Variants in INTS6L observed in about 807,000 individuals in gnomAD.
The protein encoded by INTS6L is integrator complex subunit 6 like.
Under a neutral mutation model 64.7 loss-of-function variants are expected in INTS6L, and 18 were observed. The observed-to-expected ratio is 0.28, with a 90% CI of 0.19 to 0.41. INTS6L has a LOEUF of 0.41. Among genes scored for constraint, INTS6L ranks in the 10% least tolerant of loss-of-function variants. The pLI is 1.00. For missense variants in INTS6L, 533 were observed against 661.0 expected (o/e 0.81, Z 2.12); for synonymous variants, 227 against 235.9 (o/e 0.96, Z 0.34).
At chrX:135,568,458 G>A (rs2087007350) in intron 9 of INTS6L, among the ~76,000 whole-genome samples, 2 of 110,428 alleles carry the variant, frequency 1.8e-5, no homozygotes, top group African/African-American at 6.6e-5. Flanking sequence ...CAAAATGTGT[G>A]ATCATGGAAA....
In INTS6L at chrX:135,573,039, T is replaced by G. The variant is rs377436889; in HGVS notation, c.1617+6T>G. The G allele has an allele frequency of 1.7e-6, 2 of 1,175,528 alleles. No homozygotes were observed. Among genetic ancestry groups the G allele is most frequent in the African/African-American group, 3.5e-5 (2 of 56,348 alleles). ...AAATTGGGCTCTTAAACAAGGTAAA[T>G]TGTGACATAAATAGTTTGTATTTGT... On this transcript the variant is annotated splice_donor_region_variant and intron_variant, in intron 12 of 17. Coordinates refer to ENST00000639893, the MANE Select transcript of INTS6L (RefSeq NM_001351601.3).
Position 135,573,976 on chromosome X carries a change from T to C in INTS6L, c.1655T>C (p.Ile552Thr). The change falls in exon 13 of 18, where the codon ATT becomes ACT. Residue 552 changes from isoleucine to threonine, a missense_variant. Physicochemically the swap from Ile to Thr is moderately conservative, Grantham distance 89. Transcript: ENST00000639893. The part of the protein sequence containing the change: ...KPQTYRNAYD[I>T]PRRGLLDQLT... The stretch of plus-strand genomic sequence containing the variant: ...CAGACATACAGAAATGCTTATGATA[T>C]TCCCCGTAGAGGTCTTTTAGACCAG... 8.3e-7 allele frequency: 1 copy of C among 1,204,073 alleles called. No homozygotes were observed. The highest frequency in any genetic ancestry group is 1.1e-6 in the Non-Finnish European group (1 of 892,607).
chrX:135,558,827 C>A (rs2086710135), intron 9 of INTS6L, among the ~76,000 whole-genome samples: 1 of 104,774 alleles, frequency 9.5e-6, no homozygotes, highest in Admixed American at 1.0e-4. Flanking sequence ...TCTCTGTCAC[C>A]CAAGCCAGAG....
chrX:135,529,110 C>A (rs1556503288), intron 2 of INTS6L, among the ~76,000 whole-genome samples: 2 of 111,941 alleles, frequency 1.8e-5, no homozygotes, highest in African/African-American at 6.5e-5. Context: ...ATGAATGTAA[C>A]TGCAGTAATT....
rs782360157 is a variant in INTS6L at position 135,556,245 on chromosome X, T to G, written c.1137T>G (p.Thr379=). The change falls in exon 9 of 18, where the codon ACT becomes ACG. Residue 379 remains threonine (T), a synonymous_variant. Transcript: ENST00000639893. ...ATTTAAAAGCCAGTACAACTTTAAC[T>G]TGTGTAAACCTCTTTGTGATGCCTT... ...FGYLKASTTL[T]CVNLFVMPYN... 8.3e-7 allele frequency: 1 copy of G among 1,204,073 alleles called. No homozygotes were observed. Among genetic ancestry groups the G allele is most frequent in the South Asian group, 1.8e-5 (1 of 55,153 alleles).
chrX:135,524,686 C>T (rs781859779), intron 2 of INTS6L, among the ~76,000 whole-genome samples: 1 of 111,243 alleles, frequency 9.0e-6, no homozygotes, highest in African/African-American at 3.3e-5. Context: ...TTACAAGATC[C>T]GACAATAAAT....
intron 8 of INTS6L, among the ~76,000 whole-genome samples, chrX:135,552,609 G>A (rs1291638772): frequency 2.6e-4 from 29 of 112,001 alleles, no homozygotes; most frequent in African/African-American, 9.1e-4. Flanking sequence ...TCGTCCTGTG[G>A]TACAAATCAC....
chrX:135,520,847 TCCGTC>T lies in INTS6L; in HGVS notation c.-130_-126del, dbSNP rs1269512796. ...AAAGAGGAGGCCAGGAGCGGTCCCA[TCCGTC>T]CCGTCCCGTCCCGTCTCCCCCTCTT... On this transcript the variant is annotated 5_prime_UTR_variant, in exon 1 of 18. Transcript: ENST00000639893. 47 of 569,241 alleles carry T rather than the reference TCCGTC, an allele frequency of 8.3e-5. No homozygotes were observed. The East Asian group carries it at 9.0e-4, about 11-fold the overall frequency. 46.9% of individuals were successfully genotyped at this position (569,241 alleles called of 1,213,427 possible). A position where few individuals can be genotyped will look rare whatever the true frequency, so the allele number is the denominator to read the frequency against.
At chrX:135,577,881 G>A (rs1466811392) in intron 15 of INTS6L, among the ~76,000 whole-genome samples, 3 of 111,465 alleles carry the variant, frequency 2.7e-5, no homozygotes, top group Admixed American at 9.5e-5. Context: ...GCTCTAATCC[G>A]GTGCAGTCTG....
At chrX:135,571,312 T>A in intron 11 of INTS6L, 1 of 112,697 alleles carries the variant, frequency 8.9e-6, no homozygotes, top group Non-Finnish European at 1.9e-5. Context: ...GACAAATTAA[T>A]GCAGCAGTTT....
chrX:135,572,605 GA>G (rs782599478), intron 11 of INTS6L: 84 of 300,542 alleles, frequency 2.8e-4, no homozygotes, highest in South Asian at 6.8e-4. Flanking sequence ...CACTAGACAA[GA>G]AAAAAAAATA....
chrX:135,521,153 G>C (rs1238062349), intron 1 of INTS6L, 50 bp downstream of exon 1: 2 of 1,183,944 alleles, frequency 1.7e-6, no homozygotes, highest in East Asian at 5.9e-5. Context: ...GGGATTTCAG[G>C]GTGTGGATTG....
chrX:135,547,867 A>G (rs1450936954), intron 6 of INTS6L, among the ~76,000 whole-genome samples: 1 of 111,367 alleles, frequency 9.0e-6, no homozygotes, highest in Non-Finnish European at 1.9e-5. Context: ...GTTAAATCGT[A>G]GTGAATCTCT....
At chrX:135,557,645 A>C (rs2086676006) in intron 9 of INTS6L, among the ~76,000 whole-genome samples, 1 of 112,182 alleles carries the variant, frequency 8.9e-6, no homozygotes, top group Admixed American at 9.4e-5. Context: ...GAGTGAAATA[A>C]GGCAGACACA....
At position 135,581,727 on chromosome X, in the gene INTS6L, G is replaced by A. The variant is rs1236234263; in HGVS notation, c.*91G>A. 4 of 742,512 alleles carry A rather than the reference G, an allele frequency of 5.4e-6. No individual in the cohort carries two copies. Among genetic ancestry groups the A allele is most frequent in the Admixed American group, 3.2e-5 (1 of 30,967 alleles). 61.2% of individuals were successfully genotyped at this position (742,512 alleles called of 1,213,427 possible). A position where few individuals can be genotyped will look rare whatever the true frequency, so the allele number is the denominator to read the frequency against. On this transcript the variant is annotated 3_prime_UTR_variant, in exon 18 of 18. Coordinates refer to ENST00000639893, the MANE Select transcript of INTS6L (RefSeq NM_001351601.3). ...AAGCCTCCTGGAATGTTTGAGTCAA[G>A]GGAATTGCTTTCCAGATGCTAAGAA...
chrX:135,525,677 A>G (rs2085714130), intron 2 of INTS6L, among the ~76,000 whole-genome samples: 1 of 112,476 alleles, frequency 8.9e-6, no homozygotes, highest in Admixed American at 9.4e-5. Flanking sequence ...TAACTAAGAC[A>G]TAACTTTTTC....
At position 135,580,086 on chromosome X, in the gene INTS6L, C is replaced by G. The variant is rs1556533620; in HGVS notation, c.2418C>G (p.Ile806Met). The G allele has an allele frequency of 1.7e-6, 2 of 1,207,902 alleles. No individual in the cohort carries two copies. Among genetic ancestry groups the G allele is most frequent in the South Asian group, 1.8e-5 (1 of 56,200 alleles). ...GAGCTATGCCAAATACATTACAAAT[C>G]ACTCCTGCTATGGCACAAGGAATCA... Reference protein sequence around the residue: ...TLGAMPNTLQITPAMAQGINA... With the variant: ...TLGAMPNTLQMTPAMAQGINA... Residue 806 changes from isoleucine to methionine, a missense_variant, in exon 16 of 18, where the codon ATC becomes ATG. By Grantham distance (10) the Ile-to-Met change is conservative. Transcript: ENST00000639893.
intron 3 of INTS6L, among the ~76,000 whole-genome samples, chrX:135,546,127 G>T (rs1391619345): frequency 8.9e-6 from 1 of 112,049 alleles, no homozygotes; most frequent in Non-Finnish European, 1.9e-5. Flanking sequence ...GGAAAGCAGA[G>T]TGAGAGAGGT....
Position 135,573,021 on chromosome X carries a change from G to A in INTS6L, c.1605G>A (p.Gly535=), listed in dbSNP as rs781839092. The change falls in exon 12 of 18, where the codon GGG becomes GGA. Residue 535 remains glycine, a synonymous_variant. Transcript: ENST00000639893. ...AAGAATTTGCTGGCTTCCAAATTGG[G>A]CTCTTAAACAAGGTAAATTGTGACA... The part of the protein sequence containing the change: ...NTKEFAGFQI[G]LLNKDLKPQT... 8.3e-7 allele frequency: 1 copy of A among 1,201,674 alleles called. No homozygotes were observed. The highest frequency in any genetic ancestry group is 1.8e-5 in the African/African-American group (1 of 56,962).
Sources: allele counts gnomAD v4.1 joint callset (sites outside exome capture counted in the v4.1 genomes callset), GRCh38; gene constraint gnomAD v4.1.1; transcripts MANE v1.5; gene names NCBI Gene and HGNC (gene_info 2026-07-23, HGNC 2026-07-21).